The following APCDD1 variants were observed in gnomAD, a reference collection of about 807,000 sequenced individuals.
APCDD1 encodes the protein protein APCDD1.
In APCDD1, 15 loss-of-function variants were observed where a neutral mutation model predicts 38.1. That is an observed-to-expected ratio of 0.39 (90% CI 0.26 to 0.61). The LOEUF (loss-of-function observed/expected upper bound fraction) is 0.61, where lower values mean the gene tolerates loss of function less well. Among genes scored for constraint, APCDD1 ranks in the 20% least tolerant of loss-of-function variants. The pLI, the probability that APCDD1 is intolerant of heterozygous loss-of-function variation, is 0.49. For missense variants in APCDD1, 647 were observed against 696.2 expected (o/e 0.93, Z 0.79); for synonymous variants, 261 against 279.7 (o/e 0.93, Z 0.67).
Position 10,468,630 on chromosome 18 carries a change from G to A in APCDD1, c.220G>A (p.Glu74Lys), listed in dbSNP as rs1056415673. 11 of 1,613,580 alleles carry A rather than the reference G, an allele frequency of 6.8e-6. No individual in the cohort carries two copies. Among genetic ancestry groups the A allele is most frequent in the East Asian group, 2.2e-5 (1 of 44,884 alleles). Residue 74 changes from glutamate to lysine, a missense_variant, in exon 2 of 5, where the codon GAG becomes AAG. Glu to Lys is a moderately conservative substitution (Grantham distance 56). Transcript: ENST00000355285. Reference protein sequence around the residue: ...RITVQMPPTIEGHWVSTGCEV... With the variant: ...RITVQMPPTIKGHWVSTGCEV... ...CACAGTGCAGATGCCACCTACAATC[G>A]AGGGCCACTGGGTCTCCACAGGGTA...
At chr18:10,455,280 CT>C (rs2030350337) in intron 1 of APCDD1, among the ~76,000 whole-genome samples, 1 of 152,338 alleles carries the variant, frequency 6.6e-6, no homozygotes, top group Admixed American at 6.5e-5. Context: ...CGGGACTGTT[CT>C]TTTTGGAAGG....
At chr18:10,466,320 G>T (rs1243198540) in intron 1 of APCDD1, among the ~76,000 whole-genome samples, 1 of 152,160 alleles carries the variant, frequency 6.6e-6, no homozygotes, top group African/African-American at 2.4e-5. Context: ...CAGAACTAAG[G>T]GGGCGTTCAA....
rs570235214 is a variant in APCDD1 at position 10,484,324 on chromosome 18, C to T, written c.775-1138C>T. 2.6e-5 allele frequency among the ~76,000 whole-genome samples: 4 copies of T among 152,374 alleles called. No individual in the cohort carries two copies. In the South Asian group the frequency reaches 6.2e-4, roughly 24 times the overall value. ...CCATTCCCTCTTCTAAAGGACCTTG[C>T]GTTTCCTACACAACTCCATTTCATC... On this transcript the variant is annotated intron_variant, in intron 3 of 4. Coordinates refer to ENST00000355285, the MANE Select transcript of APCDD1 (RefSeq NM_153000.5).
At position 10,471,962 on chromosome 18, in the gene APCDD1, C is replaced by T; in HGVS notation, c.675C>T (p.His225=). Reference sequence around the variant, plus strand: ...AGTACCTTCACCACAACCTCGACCACCTGGTCGAGGAGCTCTTCCTTGGTG... The same window carrying T: ...AGTACCTTCACCACAACCTCGACCATCTGGTCGAGGAGCTCTTCCTTGGTG... ...EKQYLHHNLD[H]LVEELFLGDI... Residue 225 remains histidine (H), a synonymous_variant, in exon 3 of 5, where the codon CAC becomes CAT. Coordinates refer to ENST00000355285, the MANE Select transcript of APCDD1 (RefSeq NM_153000.5). The surrounding 1 kb of genome is among the most constrained non-coding windows in gnomAD (Gnocchi z 5.5). 6.2e-7 allele frequency: 1 copy of T among 1,614,062 alleles called. No homozygotes were observed. Among genetic ancestry groups the T allele is most frequent in the Non-Finnish European group, 8.5e-7 (1 of 1,180,012 alleles).
At position 10,471,957 on chromosome 18, in the gene APCDD1, G is replaced by A. The variant is rs763049478; in HGVS notation, c.670G>A (p.Asp224Asn). 31 of 1,613,936 alleles carry A rather than the reference G, an allele frequency of 1.9e-5. No individual in the cohort carries two copies. Among genetic ancestry groups the A allele is most frequent in the East Asian group, 6.7e-5 (3 of 44,878 alleles). The change falls in exon 3 of 5, where the codon GAC (aspartate) becomes AAC (asparagine). Residue 224 changes from aspartate to asparagine, a missense_variant. Coordinates refer to ENST00000355285, the MANE Select transcript of APCDD1 (RefSeq NM_153000.5). This position sits in a 1 kb window ranked among gnomAD's most constrained non-coding sequence, Gnocchi z 5.5. ...GAAGCAGTACCTTCACCACAACCTC[G>A]ACCACCTGGTCGAGGAGCTCTTCCT... ...VEKQYLHHNLDHLVEELFLGD... is the reference protein window; with the variant it reads ...VEKQYLHHNLNHLVEELFLGD...
At chr18:10,487,324 T>C (rs1212020382) in intron 4 of APCDD1, among the ~76,000 whole-genome samples, 1 of 152,214 alleles carries the variant, frequency 6.6e-6, no homozygotes, top group Non-Finnish European at 1.5e-5. Flanking sequence ...TATTCTGGGC[T>C]CAGTGTTTCT....
In APCDD1 at chr18:10,472,555, G is replaced by C. The variant is rs904804707; in HGVS notation, c.774+494G>C. Among the ~76,000 whole-genome samples, 2 of 152,276 alleles carry C rather than the reference G, an allele frequency of 1.3e-5. No individual in the cohort carries two copies. Among genetic ancestry groups the C allele is most frequent in the East Asian group, 3.9e-4 (2 of 5,166 alleles). On this transcript the variant is annotated intron_variant, in intron 3 of 4. Transcript: ENST00000355285. This position sits in a 1 kb window ranked among gnomAD's most constrained non-coding sequence, Gnocchi z 6.6. ...GACTCCACGGAGACTGTCCACCAGA[G>C]TCACCCTGGTGAGTCCCGACACTCT...
chr18:10,480,946 T>A (rs200738195), intron 3 of APCDD1, among the ~76,000 whole-genome samples: 3 of 149,240 alleles, frequency 2.0e-5, no homozygotes, highest in South Asian at 2.1e-4. Flanking sequence ...AAATAAAAAA[T>A]AAAAAAAATT....
intron 1 of APCDD1, among the ~76,000 whole-genome samples, chr18:10,461,667 A>G (rs1200263389): frequency 6.6e-6 from 1 of 152,230 alleles, no homozygotes; most frequent in Non-Finnish European, 1.5e-5. Context: ...AGGAAAAAGA[A>G]AGGCATATAT....
chr18:10,488,880 A>G lies in APCDD1; in HGVS notation c.*842A>G, dbSNP rs150886446. Reference sequence around the variant, plus strand: ...GTGGCTGCAGTGTGGTACATGCCACACAAATGATAGAGAAAGTGCCCGTTC... The same window carrying G: ...GTGGCTGCAGTGTGGTACATGCCACGCAAATGATAGAGAAAGTGCCCGTTC... On this transcript the variant is annotated 3_prime_UTR_variant, in exon 5 of 5. Transcript: ENST00000355285. 1 of 152,376 alleles carries G rather than the reference A, an allele frequency of 6.6e-6. No homozygotes were observed. Among genetic ancestry groups the G allele is most frequent in the African/African-American group, 2.4e-5 (1 of 41,590 alleles). The allele number at this position is 152,376 out of a possible 1,614,324, so 9.4% of individuals were successfully genotyped here.
chr18:10,483,592 A>G (rs1017471940), intron 3 of APCDD1, among the ~76,000 whole-genome samples: 2 of 152,182 alleles, frequency 1.3e-5, no homozygotes, highest in African/African-American at 4.8e-5. Context: ...ACGAAATCAC[A>G]TGTTGAGTGA....
At position 10,461,900 on chromosome 18, in the gene APCDD1, T is replaced by G. The variant is rs191996807; in HGVS notation, c.59-6569T>G. Among the ~76,000 whole-genome samples, 342 of 152,332 alleles carry G rather than the reference T, an allele frequency of 2.2e-3. 3 individuals are homozygous for G. Among genetic ancestry groups the G allele is most frequent in the Non-Finnish European group, 2.9e-3 (200 of 68,028 alleles). On this transcript the variant is annotated intron_variant, in intron 1 of 4. Transcript: ENST00000355285. ...TGTACTCTCACATATAGTATATGGT[T>G]TCTAACTCTTGTTTTATCTGTAAAA...
Position 10,468,494 on chromosome 18 carries a change from T to C in APCDD1, c.84T>C (p.Leu28=). 6.2e-7 allele frequency: 1 copy of C among 1,614,190 alleles called. No individual in the cohort carries two copies. The highest frequency in any genetic ancestry group is 2.2e-5 in the East Asian group (1 of 44,890). Residue 28 remains leucine, a synonymous_variant, in exon 2 of 5, where the codon CTT becomes CTC. Transcript: ENST00000355285. ...GGCTGGGAGAGGGTTCTGCCCTCCT[T>C]CATCCAGACAGCAGGTCTCATCCTA... ...LHGLGEGSAL[L]HPDSRSHPRS...
chr18:10,463,780 A>G (rs1413371310), intron 1 of APCDD1, among the ~76,000 whole-genome samples: 4 of 152,234 alleles, frequency 2.6e-5, no homozygotes, highest in African/African-American at 9.6e-5. Flanking sequence ...AAGAGTAATG[A>G]AGATGTTGGG....
chr18:10,465,300 A>C (rs2030679060), intron 1 of APCDD1, among the ~76,000 whole-genome samples: 1 of 152,056 alleles, frequency 6.6e-6, no homozygotes, highest in Admixed American at 6.6e-5. Flanking sequence ...TCCCCACATC[A>C]CCTTTATGTC....
intron 3 of APCDD1, among the ~76,000 whole-genome samples, chr18:10,473,786 C>A (rs1045879726): frequency 6.6e-6 from 1 of 152,236 alleles, no homozygotes; most frequent in East Asian, 1.9e-4. Context: ...TGCCCAAAGG[C>A]GGCACTGGAC....
rs1015058758 is a variant in APCDD1, at chr18:10,485,580, A to C, written c.893A>C (p.Gln298Pro). The change falls in exon 4 of 5, where the codon CAG becomes CCG. Residue 298 changes from glutamine to proline, a missense_variant. Transcript: ENST00000355285. This position sits in a 1 kb window ranked among gnomAD's most constrained non-coding sequence, Gnocchi z 5.8. ...TIGLHGEWVS[Q>P]RCEVRPEVLF... ...GGCCTGCACGGGGAGTGGGTGAGCC[A>C]GCGCTGTGAGGTGCGCCCCGAAGTC... is the stretch of plus-strand genomic sequence containing the variant. 1.2e-6 allele frequency: 2 copies of C among 1,613,958 alleles called. No individual in the cohort carries two copies. The highest frequency in any genetic ancestry group is 2.7e-5 in the African/African-American group (2 of 74,900).
intron 3 of APCDD1, chr18:10,474,046 T>G (rs2030930202): frequency 6.6e-6 from 1 of 151,022 alleles, no homozygotes; most frequent in African/African-American, 2.4e-5. Flanking sequence ...TGCCTCAGCC[T>G]CCAAGTAGCT....
chr18:10,455,178 G>T (rs867818315), intron 1 of APCDD1, 139 bp downstream of exon 1: 2 of 1,379,206 alleles, frequency 1.5e-6, no homozygotes, highest in Admixed American at 2.8e-5. Context: ...GGGGAGCCCC[G>T]CGCCTGCCGT....
Sources: gnomAD v4.1 joint callset for allele counts (sites outside exome capture counted in the v4.1 genomes callset) on GRCh38, gnomAD v4.1.1 for gene constraint, Gnocchi (gnomAD v3.1) non-coding constraint, MANE v1.5 for transcripts, NCBI Gene and HGNC (gene_info 2026-07-23, HGNC 2026-07-21) for gene names.